The following C2orf76 variants were observed in gnomAD, a reference collection of about 807,000 sequenced individuals.
C2orf76 encodes chromosome 2 open reading frame 76.
C2orf76 carries 23 observed loss-of-function variants against 16.9 expected under a neutral mutation model. That is an observed-to-expected ratio of 1.36 (90% CI 0.98 to 1.93). C2orf76 has a LOEUF of 1.93. Ranked by LOEUF, C2orf76 falls within the 30% of genes most tolerant of loss-of-function variation. The pLI is 0.00. For synonymous variants in C2orf76, 48 were observed against 52.3 expected, an observed-to-expected ratio of 0.92 and a Z score of 0.35; for missense variants, 152 against 152.6, an observed-to-expected ratio of 1.00 and a Z score of 0.02.
the C2orf76 span, among the ~76,000 whole-genome samples, chr2:119,283,095 C>T: frequency 6.6e-6 from 1 of 152,186 alleles, no homozygotes. Flanking sequence ...CAGCCCTAGT[C>T]TCTCTCCCTC....
intron 2 of C2orf76, among the ~76,000 whole-genome samples, chr2:119,329,551 C>T (rs1558785772): frequency 6.6e-6 from 1 of 151,996 alleles, no homozygotes; most frequent in Non-Finnish European, 1.5e-5. Flanking sequence ...TCTCTATTTC[C>T]TCTTTTTCTA....
At chr2:119,309,398 C>CTT (rs1193022536) in intron 5 of C2orf76, among the ~76,000 whole-genome samples, 57 of 71,362 alleles carry the variant, frequency 8.0e-4, no homozygotes, top group Non-Finnish European at 1.2e-3. Flanking sequence ...TTCTCTTTTT[C>CTT]TTTTTTTTTT....
chr2:119,291,776 C>T, the C2orf76 span, among the ~76,000 whole-genome samples: 5,315 of 152,042 alleles, frequency 0.035, 294 homozygotes, highest in African/African-American at 0.12. Context: ...GTTCTCTCTG[C>T]GCGATGGGAT....
chr2:119,287,576 T>C, the C2orf76 span, among the ~76,000 whole-genome samples: 1 of 152,210 alleles, frequency 6.6e-6, no homozygotes, highest in Non-Finnish European at 1.5e-5. Context: ...TCTCTGTTTT[T>C]GTTGAGAACA....
Position 119,311,348 on chromosome 2 carries a change from G to A in C2orf76, c.304+274C>T, listed in dbSNP as rs146127561. 90 of 985,354 alleles carry A rather than the reference G, an allele frequency of 9.1e-5. No homozygotes were observed. In the African/African-American group the frequency reaches 1.2e-3, roughly 14 times the overall value. The allele number at this position is 985,354 out of a possible 1,614,324, so 61.0% of individuals were successfully genotyped here. A position where few individuals can be genotyped will look rare whatever the true frequency, so the allele number is the denominator to read the frequency against. ...TAAGTAGACGTGGTACTTACAACCC[G>A]TCACTTAAAATGACCCTCAGGAGAA... On this transcript the variant is annotated intron_variant, in intron 5 of 5. Transcript: ENST00000334816.
intron 1 of C2orf76, among the ~76,000 whole-genome samples, chr2:119,349,836 C>A (rs561249645): frequency 1.9e-4 from 29 of 152,176 alleles, no homozygotes; most frequent in Non-Finnish European, 2.8e-4. Context: ...GGCCCACAAG[C>A]TCTTTAAAGG....
At chr2:119,349,657 A>G (rs1009707975) in intron 1 of C2orf76, among the ~76,000 whole-genome samples, 1 of 151,292 alleles carries the variant, frequency 6.6e-6, no homozygotes, top group African/African-American at 2.4e-5. Flanking sequence ...TCCGCCCCTC[A>G]CCCTCTTTGC....
intron 2 of C2orf76, among the ~76,000 whole-genome samples, chr2:119,330,936 G>A (rs753325679): frequency 6.6e-6 from 1 of 151,790 alleles, no homozygotes; most frequent in Non-Finnish European, 1.5e-5. Context: ...CTAGCTTCTC[G>A]AACATTTTGC....
chr2:119,366,407 T>C (rs1010624025), intron 1 of C2orf76: 2 of 471,320 alleles, frequency 4.2e-6, no homozygotes, highest in Admixed American at 4.7e-5. Context: ...GGCCTGACAC[T>C]ACGGCCACAA....
chr2:119,360,431 T>C (rs374942383), intron 1 of C2orf76, among the ~76,000 whole-genome samples: 2 of 138,140 alleles, frequency 1.4e-5, no homozygotes, highest in East Asian at 2.1e-4. Flanking sequence ...GAGCTGAGAC[T>C]GCACCATTGC....
rs75404484 is a variant in C2orf76, at chr2:119,320,331, A to T, written c.184+823T>A. 1.4e-3 allele frequency among the ~76,000 whole-genome samples: 211 copies of T among 152,320 alleles called. 1 individual carries two copies. Among genetic ancestry groups the T allele is most frequent in the African/African-American group, 5.0e-3 (209 of 41,580 alleles). On this transcript the variant is annotated intron_variant, in intron 3 of 5. Transcript: ENST00000334816. ...TACTTTGAAAGCCTTGAAAGCCACAATTGAGAAGTTTCATATTTACCTTAA... is the reference window on the plus strand; with the variant it reads ...TACTTTGAAAGCCTTGAAAGCCACATTTGAGAAGTTTCATATTTACCTTAA...
At chr2:119,282,171 G>A in the C2orf76 span, among the ~76,000 whole-genome samples, 1 of 151,868 alleles carries the variant, frequency 6.6e-6, no homozygotes, top group African/African-American at 2.4e-5. Flanking sequence ...GATATAAAAA[G>A]TTGGGAAAGT....
the C2orf76 span, among the ~76,000 whole-genome samples, chr2:119,292,482 TGACCCGAGTCA>T: frequency 4.3e-4 from 66 of 152,294 alleles, no homozygotes; most frequent in Non-Finnish European, 8.4e-4. Flanking sequence ...AGTGCAGCAG[TGACCCGAGTCA>T]GACCGACAAA....
At position 119,328,479 on chromosome 2, in the gene C2orf76, T is replaced by A. The variant is rs138066174; in HGVS notation, c.134-7275A>T. Among the ~76,000 whole-genome samples, 574 of 152,330 alleles carry A rather than the reference T, an allele frequency of 3.8e-3. 4 individuals are homozygous for A. The highest frequency in any genetic ancestry group is 9.8e-3 in the African/African-American group (407 of 41,576). ...GTGATATGACAACTGTCACTCCTGA[T>A]ACTGGTAACTTGTATCTTCTCTATT... On this transcript the variant is annotated intron_variant, in intron 2 of 5. Coordinates refer to ENST00000334816, the MANE Select transcript of C2orf76 (RefSeq NM_001322331.2).
Position 119,320,238 on chromosome 2 carries a change from G to GT in C2orf76, c.184+915dup. On this transcript the variant is annotated intron_variant, in intron 3 of 5. Transcript: ENST00000334816. ...ACACCATGAAAAAAGGAAACCATAT[G>GT]TAACTATTCTAATTTAAAATGGCAT... Among the ~76,000 whole-genome samples the GT allele has an allele frequency of 2.0e-5, 3 of 152,250 alleles. No individual in the cohort carries two copies. In the Middle Eastern group the frequency reaches 0.01, roughly 518 times the overall value.
intron 1 of C2orf76, 199 bp from the exon 2 acceptor site, chr2:119,340,170 A>T (rs951993708): frequency 6.2e-6 from 3 of 485,440 alleles, no homozygotes; most frequent in Non-Finnish European, 7.4e-6. Context: ...TATCCACTGC[A>T]ATCCTGGACA....
intron 2 of C2orf76, among the ~76,000 whole-genome samples, chr2:119,336,167 G>A (rs1319638455): frequency 6.6e-6 from 1 of 152,126 alleles, no homozygotes; most frequent in Non-Finnish European, 1.5e-5. Context: ...GGCTGAGGCA[G>A]GCGGATCTCT....
intron 3 of C2orf76, among the ~76,000 whole-genome samples, chr2:119,319,567 C>T (rs1273090829): frequency 1.3e-5 from 2 of 152,156 alleles, no homozygotes; most frequent in African/African-American, 4.8e-5. Flanking sequence ...GAGGGATGAG[C>T]AGCCCACACT....
intron 1 of C2orf76, among the ~76,000 whole-genome samples, chr2:119,354,831 A>C (rs1363461187): frequency 2.0e-5 from 3 of 152,254 alleles, no homozygotes; most frequent in Non-Finnish European, 4.4e-5. Flanking sequence ...GTACAAGATA[A>C]ATTTTAGCTA....
Sources: gnomAD v4.1 joint callset for allele counts (sites outside exome capture counted in the v4.1 genomes callset) on GRCh38, gnomAD v4.1.1 for gene constraint, MANE v1.5 for transcripts, NCBI Gene and HGNC (gene_info 2026-07-23, HGNC 2026-07-21) for gene names.